The following LOC128092252 variants were observed in gnomAD, a reference collection of about 807,000 sequenced individuals.
At chr15:50,686,194 C>T in the LOC128092252 span, among the ~76,000 whole-genome samples, 1 of 152,228 alleles carries the variant, frequency 6.6e-6, no homozygotes, top group Non-Finnish European at 1.5e-5. Flanking sequence ...GTAGGCTGAG[C>T]CCTGCGTCGG....
chr15:50,672,897 TCAAAA>T, the LOC128092252 span, among the ~76,000 whole-genome samples: 1 of 11,226 alleles, frequency 8.9e-5, no homozygotes, highest in Admixed American at 1.6e-3. Flanking sequence ...AGACTCTGTC[TCAAAA>T]AAAAAAAAAA....
the LOC128092252 span, among the ~76,000 whole-genome samples, chr15:50,678,839 G>A: frequency 6.6e-6 from 1 of 151,544 alleles, no homozygotes; most frequent in Non-Finnish European, 1.5e-5. Flanking sequence ...AGATCAACCT[G>A]GGCAACAGAG....
At chr15:50,673,158 C>T in the LOC128092252 span, among the ~76,000 whole-genome samples, 2 of 151,884 alleles carry the variant, frequency 1.3e-5, no homozygotes, top group Non-Finnish European at 2.9e-5. Flanking sequence ...ATGCCCTAGG[C>T]CTTCACATTC....
chr15:50,658,005 A>ATT, the LOC128092252 span, among the ~76,000 whole-genome samples: 272 of 139,294 alleles, frequency 2.0e-3, 2 homozygotes, highest in African/African-American at 4.5e-3. Flanking sequence ...GACAGTCTCA[A>ATT]TTTTTTTTTT....
chr15:50,650,224 A>G, the LOC128092252 span, among the ~76,000 whole-genome samples: 2 of 145,968 alleles, frequency 1.4e-5, no homozygotes, highest in African/African-American at 5.0e-5. Flanking sequence ...AAAAAAAAGA[A>G]TAACTACTTA....
At chr15:50,674,161 G>C in the LOC128092252 span, among the ~76,000 whole-genome samples, 43 of 152,096 alleles carry the variant, frequency 2.8e-4, no homozygotes, top group Non-Finnish European at 8.8e-5. Flanking sequence ...GCTAATTTTT[G>C]TATTTTTAGT....
the LOC128092252 span, among the ~76,000 whole-genome samples, chr15:50,663,505 C>G: frequency 6.6e-6 from 1 of 152,140 alleles, no homozygotes; most frequent in Admixed American, 6.6e-5. Context: ...CCCAAAACGT[C>G]AGAATAATTC....
the LOC128092252 span, among the ~76,000 whole-genome samples, chr15:50,660,497 T>TA: frequency 1.3e-5 from 2 of 151,768 alleles, no homozygotes; most frequent in Non-Finnish European, 1.5e-5. Context: ...CTACTAAAAA[T>TA]AAAAAAAATT....
the LOC128092252 span, among the ~76,000 whole-genome samples, chr15:50,650,192 C>CAAAAA: frequency 6.7e-3 from 420 of 62,276 alleles, 14 homozygotes; most frequent in Non-Finnish European, 8.6e-3. Flanking sequence ...GACTTTGTCT[C>CAAAAA]AAAAAAAAAA....
chr15:50,676,904 A>T, the LOC128092252 span, among the ~76,000 whole-genome samples: 3 of 152,168 alleles, frequency 2.0e-5, no homozygotes, highest in South Asian at 6.2e-4. Flanking sequence ...TGACCCATGA[A>T]GATCGTACAC....
chr15:50,675,663 T>C, the LOC128092252 span, among the ~76,000 whole-genome samples: 2 of 152,232 alleles, frequency 1.3e-5, no homozygotes, highest in Non-Finnish European at 2.9e-5. Flanking sequence ...TAAATACATA[T>C]AAAAATCCTA....
chr15:50,658,438 T>G, the LOC128092252 span, among the ~76,000 whole-genome samples: 1 of 151,910 alleles, frequency 6.6e-6, no homozygotes, highest in African/African-American at 2.4e-5. Flanking sequence ...GGGGTAGTGG[T>G]GCAGGCCTAT....
chr15:50,673,334 T>C, the LOC128092252 span, among the ~76,000 whole-genome samples: 29 of 152,308 alleles, frequency 1.9e-4, no homozygotes, highest in African/African-American at 6.5e-4. Context: ...GTTAGTTCTT[T>C]AGTGGTGACT....
the LOC128092252 span, among the ~76,000 whole-genome samples, chr15:50,664,567 A>C: frequency 1.7e-4 from 26 of 152,178 alleles, no homozygotes; most frequent in Non-Finnish European, 3.7e-4. Flanking sequence ...TAACCAAATA[A>C]AAGTTTCAAA....
At chr15:50,683,274 TC>T in the LOC128092252 span, among the ~76,000 whole-genome samples, 1 of 151,688 alleles carries the variant, frequency 6.6e-6, no homozygotes, top group Non-Finnish European at 1.5e-5. Context: ...TTGAAAGATT[TC>T]CCAAAAAGAA....
chr15:50,657,904 C>T, the LOC128092252 span: 104 of 1,078,492 alleles, frequency 9.6e-5, 1 homozygote, highest in South Asian at 1.2e-3. Context: ...AAATACAAAA[C>T]AAAAAAAATT....
chr15:50,676,637 G>A, the LOC128092252 span, among the ~76,000 whole-genome samples: 5 of 151,830 alleles, frequency 3.3e-5, no homozygotes, highest in African/African-American at 9.7e-5. Context: ...GAAACCAGAC[G>A]GAGTCTATAC....
At chr15:50,679,474 TTATA>T in the LOC128092252 span, among the ~76,000 whole-genome samples, 5 of 121,232 alleles carry the variant, frequency 4.1e-5, no homozygotes, top group South Asian at 2.3e-4. Context: ...TTTATTTCAT[TTATA>T]TATATATATA....
At chr15:50,670,975 A>C in the LOC128092252 span, among the ~76,000 whole-genome samples, 1 of 152,252 alleles carries the variant, frequency 6.6e-6, no homozygotes, top group East Asian at 1.9e-4. Context: ...GGAATTTGAG[A>C]CCAGATAAAA....
Sources: allele counts gnomAD v4.1 joint callset (sites outside exome capture counted in the v4.1 genomes callset), GRCh38; gene constraint gnomAD v4.1.1; transcripts MANE v1.5.